DCHS2: variants seen among roughly 807,000 people sequenced by gnomAD.
DCHS2 encodes dachsous cadherin-related 2, also known as protocadherin-23.
A neutral mutation model predicts 182.4 loss-of-function variants in DCHS2; 142 were observed. The ratio of observed to expected loss-of-function variants is 0.78; its 90% CI spans 0.68 to 0.89. DCHS2 has a LOEUF of 0.89. Among genes scored for constraint, DCHS2 ranks in the 40% least tolerant of loss-of-function variants. DCHS2 has a pLI of 0.00. For missense variants in DCHS2, 4,319 were observed against 4,198.6 expected (o/e 1.03, Z -0.79); for synonymous variants, 1,740 against 1,663.3 (o/e 1.05, Z -1.12).
At chr4:154,247,241 C>G (rs1732115797) in intron 16 of DCHS2, among the ~76,000 whole-genome samples, 1 of 152,144 alleles carries the variant, frequency 6.6e-6, no homozygotes, top group South Asian at 2.1e-4. Flanking sequence ...CTTTGGGAGG[C>G]TGAGGCGGGT....
intron 1 of DCHS2, among the ~76,000 whole-genome samples, chr4:154,424,580 A>C (rs1733244877): frequency 6.6e-6 from 1 of 152,240 alleles, no homozygotes; most frequent in Non-Finnish European, 1.5e-5. Flanking sequence ...GAATTACTAC[A>C]TCAAACCAGA....
chr4:154,473,709 G>A (rs1735571719), intron 1 of DCHS2, among the ~76,000 whole-genome samples: 1 of 152,254 alleles, frequency 6.6e-6, no homozygotes, highest in Non-Finnish European at 1.5e-5. Flanking sequence ...ATGAGTATCA[G>A]CTGTAGTCCC....
At chr4:154,367,063 C>A (rs1270186980) in intron 2 of DCHS2, among the ~76,000 whole-genome samples, 1 of 152,092 alleles carries the variant, frequency 6.6e-6, no homozygotes, top group African/African-American at 2.4e-5. Context: ...AAGAGCAGAG[C>A]CAAAGGCCCT....
intron 15 of DCHS2, 150 bp downstream of exon 15, chr4:154,259,395 T>A (rs915743710): frequency 7.1e-7 from 1 of 1,407,688 alleles, no homozygotes; most frequent in African/African-American, 1.4e-5. Flanking sequence ...TCATCCCATC[T>A]ATAAAATGTA....
At chr4:154,279,687 CAG>C (rs1394695952) in intron 13 of DCHS2, among the ~76,000 whole-genome samples, 4 of 151,574 alleles carry the variant, frequency 2.6e-5, no homozygotes, top group African/African-American at 9.7e-5. Context: ...GAGATAAAAA[CAG>C]AAACAAAACA....
At position 154,255,630 on chromosome 4, in the gene DCHS2, A is replaced by G. The variant is rs149072622; in HGVS notation, c.6830T>C (p.Ile2277Thr). Reference protein sequence around the residue: ...TDLDSGLNGLIEYSILSGNQE... With the variant: ...TDLDSGLNGLTEYSILSGNQE... ...GTTGCCAGACAGAATAGAATACTCA[A>G]TCAGGCCGTTCAAACCACTGTCCAA... Residue 2277 changes from isoleucine (I) to threonine (T), a missense_variant, in exon 16 of 20, where the codon ATT becomes ACT. Coordinates refer to ENST00000357232, the MANE Select transcript of DCHS2 (RefSeq NM_001358235.2). 2.5e-6 allele frequency: 4 copies of G among 1,613,994 alleles called. No individual in the cohort carries two copies. Among genetic ancestry groups the G allele is most frequent in the African/African-American group, 1.3e-5 (1 of 75,048 alleles).
chr4:154,357,076 A>G, intron 3 of DCHS2: 1 of 595,762 alleles, frequency 1.7e-6, no homozygotes, highest in Non-Finnish European at 3.0e-6. Flanking sequence ...TTCTTTCTTG[A>G]CAAGCGCTAG....
At chr4:154,474,899 G>A (rs1269147382) in intron 1 of DCHS2, among the ~76,000 whole-genome samples, 1 of 152,080 alleles carries the variant, frequency 6.6e-6, no homozygotes, top group African/African-American at 2.4e-5. Flanking sequence ...TTATAAGCAT[G>A]TTTTCTTCTG....
intron 1 of DCHS2, among the ~76,000 whole-genome samples, chr4:154,418,401 C>T (rs927265938): frequency 1.3e-5 from 2 of 152,152 alleles, no homozygotes; most frequent in Non-Finnish European, 2.9e-5. Flanking sequence ...CAAGGTGTCG[C>T]CAGCTGAGAG....
chr4:154,331,703 T>C, intron 5 of DCHS2: 1 of 1,613,154 alleles, frequency 6.2e-7, no homozygotes. Flanking sequence ...ACATAGATGG[T>C]GCCTGCTGGA....
rs545434819 is a variant in DCHS2, at chr4:154,464,608, G to C, written c.2052+24696C>G. 1.5e-3 allele frequency among the ~76,000 whole-genome samples: 222 copies of C among 152,306 alleles called. 1 individual carries two copies. The highest frequency in any genetic ancestry group is 2.7e-3 in the South Asian group (13 of 4,826). Reference sequence around the variant, plus strand: ...AGAAACAACCCATTAAAGGCACACAGATCTCTCACGTATAGTAAAGATTTA... The same window carrying C: ...AGAAACAACCCATTAAAGGCACACACATCTCTCACGTATAGTAAAGATTTA... On this transcript the variant is annotated intron_variant, in intron 1 of 19. Transcript: ENST00000357232.
intron 14 of DCHS2, among the ~76,000 whole-genome samples, chr4:154,265,414 C>G (rs180944959): frequency 6.6e-6 from 1 of 152,244 alleles, no homozygotes; most frequent in African/African-American, 2.4e-5. Flanking sequence ...TATTATCATA[C>G]TTAAGTCAAG....
chr4:154,385,493 C>T (rs754105053), intron 1 of DCHS2, among the ~76,000 whole-genome samples: 8 of 152,028 alleles, frequency 5.3e-5, no homozygotes, highest in Non-Finnish European at 1.0e-4. Context: ...CCTGAGGAAT[C>T]GCCACACTGA....
rs142116678 is a variant in DCHS2, at chr4:154,271,935, C to A, written c.6464-1922G>T. Reference sequence around the variant, plus strand: ...TCAAAATGCTTTCTTATGCCCATTTCAGTTTTCTCTCACTTTTGGCCCCAG... The same window carrying A: ...TCAAAATGCTTTCTTATGCCCATTTAAGTTTTCTCTCACTTTTGGCCCCAG... On this transcript the variant is annotated intron_variant, in intron 13 of 19. Coordinates refer to ENST00000357232, the MANE Select transcript of DCHS2 (RefSeq NM_001358235.2). 1.9e-3 allele frequency among the ~76,000 whole-genome samples: 296 copies of A among 152,156 alleles called. 1 individual carries two copies. The highest frequency in any genetic ancestry group is 6.3e-3 in the African/African-American group (260 of 41,546).
At chr4:154,428,912 A>G (rs923787383) in intron 1 of DCHS2, among the ~76,000 whole-genome samples, 1 of 152,062 alleles carries the variant, frequency 6.6e-6, no homozygotes, top group Non-Finnish European at 1.5e-5. Flanking sequence ...TCCATCTCAA[A>G]GAAAAAAAAG....
rs746831021 is a variant in DCHS2, at chr4:154,235,186, C to T, written c.9466G>A (p.Glu3156Lys). 28 of 1,614,024 alleles carry T rather than the reference C, an allele frequency of 1.7e-5. No individual in the cohort carries two copies. The highest frequency in any genetic ancestry group is 9.3e-5 in the African/African-American group (7 of 75,024). The change falls in exon 20 of 20, where the codon GAA becomes AAA. Residue 3156 changes from glutamate to lysine, a missense_variant. Coordinates refer to ENST00000357232, the MANE Select transcript of DCHS2 (RefSeq NM_001358235.2). Reference protein sequence around the residue: ...SGETDVMVTAETAEASQTFGE... With the variant: ...SGETDVMVTAKTAEASQTFGE... ...AATGTTTGGCTGGCTTCTGCTGTTT[C>T]GGCAGTCACCATCACATCAGTTTCC...
chr4:154,439,951 A>G (rs1314119046), intron 1 of DCHS2, among the ~76,000 whole-genome samples: 1 of 152,230 alleles, frequency 6.6e-6, no homozygotes, highest in Non-Finnish European at 1.5e-5. Flanking sequence ...AGTAAATTTT[A>G]GATGTGGTTA....
intron 1 of DCHS2, among the ~76,000 whole-genome samples, chr4:154,410,028 T>C (rs1377104188): frequency 6.6e-6 from 1 of 152,046 alleles, no homozygotes; most frequent in African/African-American, 2.4e-5. Context: ...AGTTTTTCCT[T>C]ACAAAAGCCA....
intron 13 of DCHS2, among the ~76,000 whole-genome samples, chr4:154,292,399 C>T (rs1389726972): frequency 1.3e-5 from 2 of 152,140 alleles, no homozygotes; most frequent in Non-Finnish European, 2.9e-5. Context: ...AAATAAATCT[C>T]TATGGAATTA....
Sources: allele counts gnomAD v4.1 joint callset (sites outside exome capture counted in the v4.1 genomes callset), GRCh38; gene constraint gnomAD v4.1.1; transcripts MANE v1.5; gene names NCBI Gene and HGNC (gene_info 2026-07-23, HGNC 2026-07-21).